RPS6KA2: variants seen among roughly 807,000 people sequenced by gnomAD.
RPS6KA2 encodes ribosomal protein S6 kinase alpha-2.
In RPS6KA2, 42 loss-of-function variants were observed where a neutral mutation model predicts 91.8. The ratio of observed to expected loss-of-function variants is 0.46; its 90% CI spans 0.36 to 0.59. RPS6KA2 has a LOEUF of 0.59. Among genes scored for constraint, RPS6KA2 ranks in the 20% least tolerant of loss-of-function variants. The pLI is 0.00. For synonymous variants in RPS6KA2, 414 were observed against 393.6 expected (o/e 1.05, Z -0.61); for missense variants, 798 against 978.5 (o/e 0.82, Z 2.46).
At chr6:166,624,922 C>G (rs1358216566) in intron 1 of RPS6KA2, among the ~76,000 whole-genome samples, 1 of 152,066 alleles carries the variant, frequency 6.6e-6, no homozygotes, top group Non-Finnish European at 1.5e-5. Flanking sequence ...CAACCTCTGA[C>G]TCCCTGGTTC....
intron 11 of RPS6KA2, among the ~76,000 whole-genome samples, chr6:166,464,870 A>G (rs1016389295): frequency 6.6e-6 from 1 of 152,220 alleles, no homozygotes. Flanking sequence ...CTGAAGCTAA[A>G]TTAAAAGGCA....
intron 2 of RPS6KA2, among the ~76,000 whole-genome samples, chr6:166,712,895 G>C (rs768804669): frequency 1.3e-5 from 2 of 152,222 alleles, no homozygotes; most frequent in African/African-American, 4.8e-5. Flanking sequence ...AACACTGCCT[G>C]TGCCTCATGT....
chr6:166,447,754 G>A (rs1779725532), intron 14 of RPS6KA2, among the ~76,000 whole-genome samples: 1 of 152,202 alleles, frequency 6.6e-6, no homozygotes, highest in Non-Finnish European at 1.5e-5. Context: ...ACGACTTGCT[G>A]GCTGGGCAGA....
rs1324032013 is a variant in RPS6KA2 at position 166,648,285 on chromosome 6, C to T, written c.124-109501G>A. Among the ~76,000 whole-genome samples, 3 of 151,206 alleles carry T rather than the reference C, an allele frequency of 2.0e-5. No individual in the cohort carries two copies. The highest frequency in any genetic ancestry group is 2.0e-4 in the Admixed American group (3 of 15,182). On this transcript the variant is annotated intron_variant, in intron 2 of 21. Coordinates refer to the RPS6KA2 transcript ENST00000503859. This position sits in a 1 kb window ranked among gnomAD's most constrained non-coding sequence, Gnocchi z 4.8. ...TCATGTTCATACACACGCATGCACA[C>T]AGTATGCACACACACGCATGTATAC...
chr6:166,672,538 C>T (rs1788499992), intron 2 of RPS6KA2, among the ~76,000 whole-genome samples: 1 of 152,186 alleles, frequency 6.6e-6, no homozygotes, highest in African/African-American at 2.4e-5. Context: ...TTGCAGGCAG[C>T]AATTTCAATT....
intron 1 of RPS6KA2, among the ~76,000 whole-genome samples, chr6:166,568,057 A>G (rs1009039130): frequency 3.3e-5 from 5 of 152,176 alleles, no homozygotes; most frequent in Admixed American, 6.5e-5. Flanking sequence ...CGCCAGCCCC[A>G]GAATCGGCCC....
In RPS6KA2 at chr6:166,852,237, A is replaced by G. The variant is rs1426326976; in HGVS notation, c.123+5963T>C. ...GGTGACTTATGTAACACCAGCTTTC[A>G]GAGACGCCACAGAGACAGATTCACA... On this transcript the variant is annotated intron_variant, in intron 2 of 21. Coordinates refer to the RPS6KA2 transcript ENST00000503859. This position sits in a 1 kb window ranked among gnomAD's most constrained non-coding sequence, Gnocchi z 4.1. Among the ~76,000 whole-genome samples, 1 of 152,238 alleles carries G rather than the reference A, an allele frequency of 6.6e-6. No individual in the cohort carries two copies. The highest frequency in any genetic ancestry group is 2.4e-5 in the African/African-American group (1 of 41,466).
rs1205877541 is a variant in RPS6KA2, at chr6:166,500,487, C to T, written c.604+400G>A. On this transcript the variant is annotated intron_variant, in intron 7 of 20. Transcript: ENST00000265678. This position sits in a 1 kb window ranked among gnomAD's most constrained non-coding sequence, Gnocchi z 4.3. The stretch of plus-strand genomic sequence containing the variant: ...GGCAGCAGTGCAGGCCGCACTCCAG[C>T]GAGACTCCAGATGTCTGCCCTCAGG... 6.6e-6 allele frequency among the ~76,000 whole-genome samples: 1 copy of T among 152,154 alleles called. No homozygotes were observed. Among genetic ancestry groups the T allele is most frequent in the East Asian group, 1.9e-4 (1 of 5,200 alleles).
chr6:166,637,579 C>T (rs1432277565), intron 2 of RPS6KA2, among the ~76,000 whole-genome samples: 1 of 152,246 alleles, frequency 6.6e-6, no homozygotes, highest in Non-Finnish European at 1.5e-5. Context: ...GGGACCCATC[C>T]TGAAGACCGG....
chr6:166,655,470 G>A (rs1056305750), intron 2 of RPS6KA2, among the ~76,000 whole-genome samples: 1 of 152,230 alleles, frequency 6.6e-6, no homozygotes, highest in Admixed American at 6.5e-5. Context: ...TGGGAACCAC[G>A]TGTATCTCCA....
At chr6:166,439,543 A>C (rs1322140385) in intron 14 of RPS6KA2, among the ~76,000 whole-genome samples, 1 of 152,226 alleles carries the variant, frequency 6.6e-6, no homozygotes, top group East Asian at 1.9e-4. Flanking sequence ...AGGTGCTGGA[A>C]CTATAGCAAA....
At chr6:166,679,986 TG>T (rs1278169206) in intron 2 of RPS6KA2, among the ~76,000 whole-genome samples, 1 of 152,102 alleles carries the variant, frequency 6.6e-6, no homozygotes, top group African/African-American at 2.4e-5. Context: ...CTGGGATGGG[TG>T]GGGACTTGGA....
Position 166,553,459 on chromosome 6 carries a change from T to C in RPS6KA2, c.100-14675A>G, listed in dbSNP as rs540792037. ...CATGTTTAGTCCCACTTTTTTTTTT[T>C]TTTCCTTAAACTCCTTAATGCAAGA... On this transcript the variant is annotated intron_variant, in intron 1 of 20. Coordinates refer to ENST00000265678, the MANE Select transcript of RPS6KA2 (RefSeq NM_021135.6). Among the ~76,000 whole-genome samples, 8 of 151,666 alleles carry C rather than the reference T, an allele frequency of 5.3e-5. No homozygotes were observed. In the East Asian group the frequency reaches 1.6e-3, roughly 29 times the overall value.
Position 166,494,930 on chromosome 6 carries a change from G to A in RPS6KA2, c.747+3578C>T, listed in dbSNP as rs1213275533. On this transcript the variant is annotated intron_variant, in intron 8 of 20. Transcript: ENST00000265678. The surrounding 1 kb of genome is among the most constrained non-coding windows in gnomAD (Gnocchi z 5.1). ...GCACCGATCCGCTTACAAGGCTTGG[G>A]TAAGATACGACTTCAAAGGTCACCC... is the stretch of plus-strand genomic sequence containing the variant. Among the ~76,000 whole-genome samples the A allele has an allele frequency of 6.6e-6, 1 of 152,210 alleles. No homozygotes were observed. The highest frequency in any genetic ancestry group is 1.5e-5 in the Non-Finnish European group (1 of 68,044).
At chr6:166,655,582 TGAA>T (rs1787978906) in intron 2 of RPS6KA2, among the ~76,000 whole-genome samples, 1 of 152,202 alleles carries the variant, frequency 6.6e-6, no homozygotes, top group African/African-American at 2.4e-5. Flanking sequence ...GGCGGGTAAC[TGAA>T]GACCAGGCTG....
At chr6:166,623,755 A>T (rs1446001897) in intron 1 of RPS6KA2, among the ~76,000 whole-genome samples, 1 of 152,236 alleles carries the variant, frequency 6.6e-6, no homozygotes, top group Non-Finnish European at 1.5e-5. Context: ...TTTCTGGGGC[A>T]CACCCATGGA....
rs77111111 is a variant in RPS6KA2, at chr6:166,634,319, C to T, written c.124-95535G>A. Among the ~76,000 whole-genome samples, 500 of 152,258 alleles carry T rather than the reference C, an allele frequency of 3.3e-3. 1 individual carries two copies. Among genetic ancestry groups the T allele is most frequent in the African/African-American group, 0.012 (486 of 41,546 alleles). ...CAGTAACACTGGGAGCAGAACTTGC[C>T]GCAGACCCACGGGCTGAGGGGAAGG... is the stretch of plus-strand genomic sequence containing the variant. On this transcript the variant is annotated intron_variant, in intron 2 of 21. Transcript: ENST00000503859.
chr6:166,482,868 C>T (rs965381623), intron 10 of RPS6KA2, among the ~76,000 whole-genome samples: 4 of 152,202 alleles, frequency 2.6e-5, no homozygotes, highest in Non-Finnish European at 5.9e-5. Context: ...ACCCAGAGTG[C>T]TTCGCAGCCA....
chr6:166,718,307 G>T (rs947440705), intron 2 of RPS6KA2, among the ~76,000 whole-genome samples: 2 of 152,178 alleles, frequency 1.3e-5, no homozygotes, highest in Admixed American at 6.5e-5. Flanking sequence ...TCAGAGGCTG[G>T]CATGGGGGGA....
Sources: gnomAD v4.1 joint callset for allele counts (sites outside exome capture counted in the v4.1 genomes callset) on GRCh38, gnomAD v4.1.1 for gene constraint, Gnocchi (gnomAD v3.1) non-coding constraint, MANE v1.5 for transcripts, NCBI Gene and HGNC (gene_info 2026-07-23, HGNC 2026-07-21) for gene names.